The following DENND1A variants were observed in gnomAD, a reference collection of about 807,000 sequenced individuals.
DENND1A encodes the protein DENN domain containing 1A, also known as DENN domain-containing protein 1A.
In DENND1A, 51 loss-of-function variants were observed where a neutral mutation model predicts 113.7. The ratio of observed to expected loss-of-function variants is 0.45; its 90% CI spans 0.36 to 0.57. DENND1A has a LOEUF of 0.57. Among genes scored for constraint, DENND1A ranks in the 20% least tolerant of loss-of-function variants. The pLI is 0.00. For synonymous variants in DENND1A, 565 were observed against 570.8 expected, an observed-to-expected ratio of 0.99 and a Z score of 0.14; for missense variants, 1,258 against 1,395.9, an observed-to-expected ratio of 0.90 and a Z score of 1.57.
chr9:123,691,355 A>T (rs574285120), intron 5 of DENND1A, among the ~76,000 whole-genome samples: 1 of 152,314 alleles, frequency 6.6e-6, no homozygotes, highest in East Asian at 1.9e-4. Context: ...CTGTGGCAGC[A>T]CCAAGGAAGG....
chr9:123,471,979 G>A (rs1473220274), intron 13 of DENND1A, among the ~76,000 whole-genome samples: 1 of 152,200 alleles, frequency 6.6e-6, no homozygotes, highest in Non-Finnish European at 1.5e-5. Flanking sequence ...TGAAGAAATG[G>A]GGAAGCAAGT....
intron 1 of DENND1A, among the ~76,000 whole-genome samples, chr9:123,892,270 C>T (rs1280481022): frequency 1.3e-5 from 2 of 152,152 alleles, no homozygotes; most frequent in African/African-American, 4.8e-5. Context: ...GTTCATGGTG[C>T]ATTGGATAGA....
intron 12 of DENND1A, among the ~76,000 whole-genome samples, chr9:123,581,105 C>T (rs2058869543): frequency 6.7e-6 from 1 of 150,346 alleles, no homozygotes; most frequent in African/African-American, 2.5e-5. Flanking sequence ...CTCTGCAGAC[C>T]CACGGGGTTG....
Position 123,747,572 on chromosome 9 carries a change from C to A in DENND1A, c.302+10131G>T, listed in dbSNP as rs532845506. On this transcript the variant is annotated intron_variant, in intron 5 of 23. Transcript: ENST00000394215. ...AAGTCCATGAGTAGAAAATAAAAAC[C>A]TACTTAATTTCCACTGCATACTACA... is the stretch of plus-strand genomic sequence containing the variant. Among the ~76,000 whole-genome samples, 60 of 152,158 alleles carry A rather than the reference C, an allele frequency of 3.9e-4. No individual in the cohort carries two copies. The South Asian group carries it at 0.012, about 30-fold the overall frequency.
chr9:123,880,468 G>A (rs1469310654), intron 1 of DENND1A, among the ~76,000 whole-genome samples: 1 of 152,140 alleles, frequency 6.6e-6, no homozygotes, highest in Admixed American at 6.6e-5. Context: ...AGAAAATGTT[G>A]TACTTTCAAA....
At chr9:123,440,523 C>T (rs754390085) in intron 18 of DENND1A, 32 bp from the exon 19 acceptor site, 1 of 1,527,838 alleles carries the variant, frequency 6.5e-7, no homozygotes, top group South Asian at 1.3e-5. Context: ...GCGGTTGGCA[C>T]TGGGGTTCTG....
chr9:123,381,419 C>T lies in DENND1A; in HGVS notation c.*13G>A. ...CTCGGGCCTCGGTGCATCCCCCACCCTCAGGGCCCGGCTCACTCGAAGGTC... is the reference window on the plus strand; with the variant it reads ...CTCGGGCCTCGGTGCATCCCCCACCTTCAGGGCCCGGCTCACTCGAAGGTC... On this transcript the variant is annotated 3_prime_UTR_variant, in exon 24 of 24. Coordinates refer to ENST00000394215, the MANE Select transcript of DENND1A (RefSeq NM_001352964.2). The surrounding 1 kb of genome is among the most constrained non-coding windows in gnomAD (Gnocchi z 4.7). The T allele has an allele frequency of 6.2e-7, 1 of 1,612,134 alleles. No homozygotes were observed. The highest frequency in any genetic ancestry group is 8.5e-7 in the Non-Finnish European group (1 of 1,179,514).
chr9:123,679,671 C>A (rs898969436), intron 5 of DENND1A, among the ~76,000 whole-genome samples: 1 of 152,168 alleles, frequency 6.6e-6, no homozygotes, highest in African/African-American at 2.4e-5. Flanking sequence ...GGGTTCACAG[C>A]GGAGCTCTAT....
intron 2 of DENND1A, among the ~76,000 whole-genome samples, chr9:123,824,509 C>T (rs1839000667): frequency 6.6e-6 from 1 of 152,144 alleles, no homozygotes; most frequent in African/African-American, 2.4e-5. Context: ...CAATGGACTA[C>T]ATACTGTTAA....
intron 13 of DENND1A, among the ~76,000 whole-genome samples, chr9:123,546,488 C>T (rs986041901): frequency 5.9e-5 from 9 of 151,746 alleles, no homozygotes; most frequent in Non-Finnish European, 1.2e-4. Context: ...GGAGGCGGAG[C>T]TTGCAGTGAG....
At chr9:123,730,222 C>T (rs1460908025) in intron 5 of DENND1A, among the ~76,000 whole-genome samples, 3 of 152,136 alleles carry the variant, frequency 2.0e-5, no homozygotes, top group Admixed American at 6.5e-5. Flanking sequence ...ACTAAAACAA[C>T]AAAAGCAATG....
Position 123,713,586 on chromosome 9 carries a change from C to G in DENND1A, c.303-36797G>C, listed in dbSNP as rs143384430. 3.0e-4 allele frequency among the ~76,000 whole-genome samples: 46 copies of G among 152,188 alleles called. 1 individual carries two copies. Among genetic ancestry groups the G allele is most frequent in the African/African-American group, 1.0e-3 (43 of 41,516 alleles). On this transcript the variant is annotated intron_variant, in intron 5 of 23. Transcript: ENST00000394215. ...AGGAGTGGGACCACGGGACTTTGGGCTTTTCATCATACCTTTCCACATACT... is the reference window on the plus strand; with the variant it reads ...AGGAGTGGGACCACGGGACTTTGGGGTTTTCATCATACCTTTCCACATACT...
At chr9:123,567,872 A>T (rs1451077332) in intron 12 of DENND1A, among the ~76,000 whole-genome samples, 1 of 152,218 alleles carries the variant, frequency 6.6e-6, no homozygotes, top group Admixed American at 6.5e-5. Context: ...AGAAATTTTA[A>T]CCATCAGTTC....
intron 15 of DENND1A, among the ~76,000 whole-genome samples, chr9:123,455,472 G>A (rs781733912): frequency 2.0e-5 from 3 of 152,232 alleles, no homozygotes; most frequent in African/African-American, 7.2e-5. Flanking sequence ...CCGCTCCCTT[G>A]CCTAGTCACC....
intron 13 of DENND1A, among the ~76,000 whole-genome samples, chr9:123,471,676 C>T (rs2133381918): frequency 6.6e-6 from 1 of 152,310 alleles, no homozygotes. Context: ...GGCTCTTGAG[C>T]CTCATCTTAG....
chr9:123,434,631 C>T (rs371274169), intron 19 of DENND1A, among the ~76,000 whole-genome samples: 4 of 152,262 alleles, frequency 2.6e-5, no homozygotes, highest in East Asian at 3.9e-4. Context: ...GCGTGACAAG[C>T]GGCGTGTGCA....
intron 1 of DENND1A, among the ~76,000 whole-genome samples, chr9:123,900,318 G>A (rs1037538449): frequency 3.9e-5 from 6 of 152,104 alleles, no homozygotes; most frequent in Non-Finnish European, 7.3e-5. Flanking sequence ...ACTGAGTACC[G>A]TTATGTGCCA....
intron 5 of DENND1A, among the ~76,000 whole-genome samples, chr9:123,705,831 C>T (rs2066158891): frequency 1.3e-5 from 2 of 152,018 alleles, no homozygotes. Flanking sequence ...TGGAAAGGCA[C>T]AATACCAAGA....
intron 1 of DENND1A, chr9:123,928,686 C>A: frequency 2.0e-6 from 2 of 985,452 alleles, no homozygotes; most frequent in Non-Finnish European, 2.4e-6. Flanking sequence ...AGCCTAACCA[C>A]ACGGGGGACT....
Sources: allele counts gnomAD v4.1 joint callset (sites outside exome capture counted in the v4.1 genomes callset), GRCh38; gene constraint gnomAD v4.1.1; non-coding constraint Gnocchi (gnomAD v3.1); transcripts MANE v1.5; gene names NCBI Gene and HGNC (gene_info 2026-07-23, HGNC 2026-07-21).